NRDE2: variants seen among roughly 807,000 people sequenced by gnomAD.
NRDE2 encodes nuclear exosome regulator NRDE2.
In NRDE2, 76 loss-of-function variants were observed where a neutral mutation model predicts 124.2. The observed-to-expected ratio is 0.61, with a 90% CI of 0.51 to 0.74. The LOEUF (loss-of-function observed/expected upper bound fraction) is 0.74, where lower values mean the gene tolerates loss of function less well. Among genes scored for constraint, NRDE2 ranks in the 30% least tolerant of loss-of-function variants. NRDE2 has a pLI of 0.00. For missense variants in NRDE2, 1,314 were observed against 1,417.3 expected, an observed-to-expected ratio of 0.93 and a Z score of 1.17; for synonymous variants, 489 against 528.1, an observed-to-expected ratio of 0.93 and a Z score of 1.01.
Position 90,328,319 on chromosome 14 carries a change from A to G in NRDE2, c.64+3522T>C, listed in dbSNP as rs72699180. Among the ~76,000 whole-genome samples the G allele has an allele frequency of 9.8e-4, 146 of 149,164 alleles. 3 individuals are homozygous for G. Among genetic ancestry groups the G allele is most frequent in the Admixed American group, 1.3e-3 (19 of 14,938 alleles). On this transcript the variant is annotated intron_variant, in intron 1 of 13. Transcript: ENST00000354366. ...ACTCTGTCTCCAAAAAAAAAAAAAAAAAAAGAAAAAAGTATTTATCCTGTC... is the reference window on the plus strand; with the variant it reads ...ACTCTGTCTCCAAAAAAAAAAAAAAGAAAAGAAAAAAGTATTTATCCTGTC...
intron 12 of NRDE2, among the ~76,000 whole-genome samples, chr14:90,286,114 T>G (rs1239635247): frequency 6.6e-6 from 1 of 152,174 alleles, no homozygotes; most frequent in Non-Finnish European, 1.5e-5. Context: ...CTACTCAACT[T>G]CGTTCTACCA....
chr14:90,318,617 C>T lies in NRDE2; in HGVS notation c.65-504G>A, dbSNP rs187967105. On this transcript the variant is annotated intron_variant, in intron 1 of 13. Coordinates refer to ENST00000354366, the MANE Select transcript of NRDE2 (RefSeq NM_017970.4). ...GAGTTTGACACCAGCCTGGCCAACA[C>T]GGTGAAAAACCATCTCTACTAAAAA... is the stretch of plus-strand genomic sequence containing the variant. 2.7e-3 allele frequency among the ~76,000 whole-genome samples: 405 copies of T among 152,050 alleles called. 1 individual carries two copies. Among genetic ancestry groups the T allele is most frequent in the African/African-American group, 8.9e-3 (371 of 41,462 alleles).
At position 90,279,073 on chromosome 14, in the gene NRDE2, G is replaced by T. The variant is rs1891881792; in HGVS notation, c.3358C>A (p.Pro1120Thr). 1.2e-6 allele frequency: 2 copies of T among 1,611,632 alleles called. No homozygotes were observed. Among genetic ancestry groups the T allele is most frequent in the Non-Finnish European group, 1.7e-6 (2 of 1,177,778 alleles). ...GVFYKALQNC[P>T]WAKVLYLDAV... ...CCTTTAACACTTACCTTTGCCCAAG[G>T]GCAATTCTGAAGTGCTTTGTAGAAT... is the stretch of plus-strand genomic sequence containing the variant. The change falls in exon 13 of 14, where the codon CCT (proline) becomes ACT (threonine). Residue 1120 changes from proline (P) to threonine (T), a missense_variant. Pro to Thr is a conservative substitution (Grantham distance 38, BLOSUM62 -1). Coordinates refer to ENST00000354366, the MANE Select transcript of NRDE2 (RefSeq NM_017970.4).
chr14:90,301,182 C>T, intron 7 of NRDE2, 57 bp downstream of exon 7: 3 of 1,581,970 alleles, frequency 1.9e-6, no homozygotes, highest in South Asian at 2.2e-5. Context: ...CACCTTCCCC[C>T]TCTCCCTCCA....
At chr14:90,283,998 A>G (rs1892029140) in intron 12 of NRDE2, among the ~76,000 whole-genome samples, 1 of 152,118 alleles carries the variant, frequency 6.6e-6, no homozygotes, top group African/African-American at 2.4e-5. Context: ...GGCATGAGCC[A>G]CCACACTCAG....
At position 90,278,061 on chromosome 14, in the gene NRDE2, C is replaced by G. The variant is rs45609033; in HGVS notation, c.*275G>C. 14 of 315,168 alleles carry G rather than the reference C, an allele frequency of 4.4e-5. No homozygotes were observed. The highest frequency in any genetic ancestry group is 8.0e-5 in the Non-Finnish European group (13 of 162,224). The allele number at this position is 315,168 out of a possible 1,614,324, so 19.5% of individuals were successfully genotyped here. On this transcript the variant is annotated 3_prime_UTR_variant, in exon 14 of 14. Transcript: ENST00000354366. ...AATGAGCAAGGACGCTGCCACGCCT[C>G]AATCATCATCGGTTTAATGACCACG... is the stretch of plus-strand genomic sequence containing the variant.
chr14:90,327,287 T>C (rs56093625), intron 1 of NRDE2, among the ~76,000 whole-genome samples: 2,734 of 152,320 alleles, frequency 0.018, 86 homozygotes, highest in African/African-American at 0.062. Context: ...TGATGGCTCA[T>C]GCCTGTAATC....
chr14:90,268,369 G>A lies in NRDE2; in HGVS notation c.*9967C>T, dbSNP rs61735655. On this transcript the variant is annotated 3_prime_UTR_variant, in exon 14 of 14. Coordinates refer to ENST00000354366, the MANE Select transcript of NRDE2 (RefSeq NM_017970.4). ...TCCGAGTTGCTGAAGAACATGCACC[G>A]TCCATCGTGTTTATTGATGAAATTG... The A allele has an allele frequency of 3.0e-4, 480 of 1,613,178 alleles. 1 individual carries two copies. Among genetic ancestry groups the A allele is most frequent in the Non-Finnish European group, 3.7e-4 (442 of 1,179,658 alleles).
rs1884262070 is a variant in NRDE2 at position 90,298,398 on chromosome 14, T to C, written c.1546-18A>G. 1 of 1,613,632 alleles carries C rather than the reference T, an allele frequency of 6.2e-7. No individual in the cohort carries two copies. ...AATTCCACCTGTTCAGATTTTAGAA[T>C]GGACGTTAGACCTCACTTGTATAAA... On this transcript the variant is annotated intron_variant, in intron 7 of 13. Transcript: ENST00000354366.
At chr14:90,314,155 T>G (rs1279620864) in intron 3 of NRDE2, among the ~76,000 whole-genome samples, 2 of 152,096 alleles carry the variant, frequency 1.3e-5, no homozygotes, top group African/African-American at 4.8e-5. Context: ...CACCTGAAGG[T>G]GAGGGAAAGC....
In NRDE2 at chr14:90,274,933, G is replaced by C. The variant is rs1054703168; in HGVS notation, c.*3403C>G. 2 of 152,070 alleles carry C rather than the reference G, an allele frequency of 1.3e-5. No individual in the cohort carries two copies. The highest frequency in any genetic ancestry group is 2.9e-5 in the Non-Finnish European group (2 of 68,036). 9.4% of individuals were successfully genotyped at this position (152,070 alleles called of 1,614,324 possible). On this transcript the variant is annotated 3_prime_UTR_variant, in exon 14 of 14. Transcript: ENST00000354366. ...ACAAAACACTGTTCAGTTAGAAAGG[G>C]AAAGTCACACTGGAGATGCCCAGCA...
At position 90,302,820 on chromosome 14, in the gene NRDE2, A is replaced by G. The variant is rs1332248114; in HGVS notation, c.1311T>C (p.Ile437=). The G allele has an allele frequency of 6.2e-7, 1 of 1,614,190 alleles. No homozygotes were observed. Among genetic ancestry groups the G allele is most frequent in the Admixed American group, 1.7e-5 (1 of 60,022 alleles). ...TCAAGCATTTTCCATAAAGACTGTG[A>G]ATTTTTGATATCGAAAAGGTACTAA... ...SQFSTFSISK[I]HSLYGKCLST... is the part of the protein sequence containing the mutation. Residue 437 remains isoleucine, a synonymous_variant, in exon 6 of 14, where the codon ATT becomes ATC. Transcript: ENST00000354366.
chr14:90,320,339 A>T (rs1389232873), intron 1 of NRDE2, among the ~76,000 whole-genome samples: 1 of 152,206 alleles, frequency 6.6e-6, no homozygotes, highest in Admixed American at 6.5e-5. Context: ...AACAGAGGAA[A>T]GAGTAAAGAG....
intron 1 of NRDE2, among the ~76,000 whole-genome samples, chr14:90,328,167 A>AATG (rs1192696424): frequency 6.7e-6 from 1 of 148,660 alleles, no homozygotes; most frequent in African/African-American, 2.5e-5. Flanking sequence ...ATTAGCCAGG[A>AATG]GTGGTGGCGC....
At chr14:90,292,552 G>T in intron 9 of NRDE2, 145 bp downstream of exon 9, 1 of 811,666 alleles carries the variant, frequency 1.2e-6, no homozygotes, top group Non-Finnish European at 1.9e-6. Flanking sequence ...CCACAGATGA[G>T]AACAGGAGCA....
At chr14:90,326,159 T>A (rs1327063937) in intron 1 of NRDE2, among the ~76,000 whole-genome samples, 1 of 151,648 alleles carries the variant, frequency 6.6e-6, no homozygotes, top group East Asian at 1.9e-4. Flanking sequence ...TGTAGAGCGA[T>A]CTCCAGGATC....
In NRDE2 at chr14:90,268,269, C is replaced by T; in HGVS notation, c.*10067G>A. On this transcript the variant is annotated 3_prime_UTR_variant, in exon 14 of 14. Coordinates refer to ENST00000354366, the MANE Select transcript of NRDE2 (RefSeq NM_017970.4). ...GCAGTAGCAAACCAAACCTCAGCCA[C>T]TTTCTTGAGAGTGGTTGGCTCTGAA... is the stretch of plus-strand genomic sequence containing the variant. The T allele has an allele frequency of 6.2e-7, 1 of 1,607,576 alleles. No homozygotes were observed. The highest frequency in any genetic ancestry group is 8.5e-7 in the Non-Finnish European group (1 of 1,177,180).
intron 1 of NRDE2, among the ~76,000 whole-genome samples, chr14:90,326,290 C>T (rs1168558288): frequency 5.3e-5 from 8 of 151,458 alleles, no homozygotes; most frequent in Non-Finnish European, 1.2e-4. Flanking sequence ...GTCAGGAGAT[C>T]GAGACCATCC....
intron 12 of NRDE2, among the ~76,000 whole-genome samples, chr14:90,284,600 C>G (rs1407425441): frequency 6.6e-6 from 1 of 152,020 alleles, no homozygotes; most frequent in Non-Finnish European, 1.5e-5. Context: ...AACTCCTGAC[C>G]TCAGGTGATC....
Sources: allele counts gnomAD v4.1 joint callset (sites outside exome capture counted in the v4.1 genomes callset), GRCh38; gene constraint gnomAD v4.1.1; transcripts MANE v1.5; gene names NCBI Gene and HGNC (gene_info 2026-07-23, HGNC 2026-07-21).